RORA: variants seen among roughly 807,000 people sequenced by gnomAD.
RORA encodes nuclear receptor ROR-alpha.
RORA carries 7 observed loss-of-function variants against 69.5 expected under a neutral mutation model. The ratio of observed to expected loss-of-function variants is 0.10; its 90% CI spans 0.06 to 0.19. The LOEUF is 0.19. Ranked by LOEUF, RORA falls within the 10% of genes least tolerant of loss-of-function variation. The probability of loss-of-function intolerance (pLI) is 1.00; values close to 1 mark genes in which losing one functional copy is unlikely to be tolerated. For synonymous variants in RORA, 261 were observed against 240.8 expected, an observed-to-expected ratio of 1.08 and a Z score of -0.78; for missense variants, 457 against 663.0, an observed-to-expected ratio of 0.69 and a Z score of 3.41.
chr15:60,973,280 C>G (rs1893777862), intron 1 of RORA, among the ~76,000 whole-genome samples: 1 of 152,166 alleles, frequency 6.6e-6, no homozygotes, highest in Non-Finnish European at 1.5e-5. Context: ...AGTCTACACA[C>G]CGTGAGGCCC....
intron 1 of RORA, among the ~76,000 whole-genome samples, chr15:60,979,268 CT>C (rs767729204): frequency 0.016 from 1,040 of 64,258 alleles, 13 homozygotes; most frequent in African/African-American, 0.054. Context: ...CTAGCCCTTG[CT>C]TTTTTTTTTT....
At chr15:61,173,724 C>A (rs12902705) in intron 1 of RORA, among the ~76,000 whole-genome samples, 59,326 of 152,070 alleles carry the variant, frequency 0.39, 12,464 homozygotes, top group Non-Finnish European at 0.47. Flanking sequence ...GGCGTGACCA[C>A]GGCTCACTGC....
At chr15:60,609,267 A>C (rs1392941778) in intron 2 of RORA, among the ~76,000 whole-genome samples, 1 of 152,202 alleles carries the variant, frequency 6.6e-6, no homozygotes, top group Non-Finnish European at 1.5e-5. Context: ...TTGGTATGAA[A>C]TACTGAATTC....
intron 1 of RORA, among the ~76,000 whole-genome samples, chr15:60,690,148 G>A (rs899075200): frequency 1.3e-5 from 2 of 152,194 alleles, no homozygotes; most frequent in African/African-American, 4.8e-5. Context: ...ACAGAGTGCA[G>A]TTGTTTTCTT....
At chr15:60,535,472 G>C (rs367806480) in intron 2 of RORA, among the ~76,000 whole-genome samples, 4 of 152,176 alleles carry the variant, frequency 2.6e-5, no homozygotes, top group Non-Finnish European at 5.9e-5. Flanking sequence ...AAGTGGCAGC[G>C]GGCATCAGGA....
chr15:60,500,046 T>C (rs2065282727), intron 9 of RORA, 42 bp from the exon 10 acceptor site: 1 of 1,221,932 alleles, frequency 8.2e-7, no homozygotes, highest in Non-Finnish European at 1.2e-6. Flanking sequence ...TCCTCTGACA[T>C]GGTGTCAGGA....
rs200277310 is a variant in RORA at position 60,619,599 on chromosome 15, C to T, written c.196+59058G>A. Reference sequence around the variant, plus strand: ...AACACTAAACACATTAGCTGCTTCCCTCCTTCCCCTCATCTCATAGCATTG... The same window carrying T: ...AACACTAAACACATTAGCTGCTTCCTTCCTTCCCCTCATCTCATAGCATTG... On this transcript the variant is annotated intron_variant, in intron 2 of 10. Coordinates refer to ENST00000335670, the MANE Select transcript of RORA (RefSeq NM_134261.3). 1.4e-4 allele frequency among the ~76,000 whole-genome samples: 22 copies of T among 152,114 alleles called. No individual in the cohort carries two copies. The East Asian group carries it at 3.7e-3, about 25-fold the overall frequency.
intron 1 of RORA, among the ~76,000 whole-genome samples, chr15:60,886,124 T>C (rs2073747339): frequency 6.6e-6 from 1 of 152,158 alleles, no homozygotes. Flanking sequence ...AAAAAGTCCT[T>C]CAGTAGCCGA....
chr15:60,540,427 C>T (rs1414706029), intron 2 of RORA, among the ~76,000 whole-genome samples: 1 of 152,052 alleles, frequency 6.6e-6, no homozygotes, highest in East Asian at 1.9e-4. Context: ...TAACCAATTA[C>T]CCCCAACATT....
chr15:60,687,001 C>G (rs1160578607), intron 1 of RORA: 1 of 152,284 alleles, frequency 6.6e-6, no homozygotes, highest in East Asian at 1.9e-4. Context: ...CAGCTCCCCC[C>G]AGAACGAAGT....
intron 1 of RORA, among the ~76,000 whole-genome samples, chr15:60,889,469 G>A (rs1014780378): frequency 5.9e-5 from 9 of 152,246 alleles, no homozygotes; most frequent in African/African-American, 9.6e-5. Context: ...CTGCCTTGCA[G>A]ACTTCCTAGT....
chr15:60,831,732 C>T (rs1405780786), intron 1 of RORA, among the ~76,000 whole-genome samples: 3 of 152,152 alleles, frequency 2.0e-5, no homozygotes, highest in African/African-American at 4.8e-5. Context: ...AAAACCATTC[C>T]GGTGACCTAC....
chr15:60,526,901 C>T (rs887497340), intron 3 of RORA, among the ~76,000 whole-genome samples: 22 of 152,192 alleles, frequency 1.4e-4, no homozygotes, highest in African/African-American at 4.8e-4. Flanking sequence ...ATGGCTTTAA[C>T]TACTTCAGTG....
chr15:60,692,865 A>G (rs56080112), intron 1 of RORA, among the ~76,000 whole-genome samples: 11,744 of 152,304 alleles, frequency 0.077, 818 homozygotes, highest in East Asian at 0.18. Context: ...GAATTCTACC[A>G]GAGCTACAAA....
At chr15:60,785,869 C>T (rs1315576771) in intron 1 of RORA, among the ~76,000 whole-genome samples, 1 of 152,226 alleles carries the variant, frequency 6.6e-6, no homozygotes, top group Non-Finnish European at 1.5e-5. Flanking sequence ...GATTTGGTGG[C>T]AATCTGACAA....
At chr15:60,750,675 G>C (rs2071711323) in intron 1 of RORA, among the ~76,000 whole-genome samples, 1 of 152,122 alleles carries the variant, frequency 6.6e-6, no homozygotes, top group African/African-American at 2.4e-5. Flanking sequence ...AGAGGACCAT[G>C]GATAGTAATC....
chr15:61,176,104 T>G (rs1358950986), intron 1 of RORA: 1 of 152,220 alleles, frequency 6.6e-6, no homozygotes, highest in Non-Finnish European at 1.5e-5. Flanking sequence ...ATTTATTTAC[T>G]TTGAATATTT....
intron 1 of RORA, among the ~76,000 whole-genome samples, chr15:60,691,565 G>A (rs1255355407): frequency 2.0e-5 from 3 of 152,308 alleles, no homozygotes; most frequent in East Asian, 3.9e-4. Flanking sequence ...GGAGCATAGA[G>A]GGTGAGACAA....
intron 10 of RORA, among the ~76,000 whole-genome samples, chr15:60,499,391 C>T (rs1567036879): frequency 6.6e-6 from 1 of 152,070 alleles, no homozygotes. Context: ...AATAAATTAG[C>T]CAAGTGTGGT....
Sources: gnomAD v4.1 joint callset for allele counts (sites outside exome capture counted in the v4.1 genomes callset) on GRCh38, gnomAD v4.1.1 for gene constraint, MANE v1.5 for transcripts, NCBI Gene and HGNC (gene_info 2026-07-23, HGNC 2026-07-21) for gene names.